NDRG3: variants seen among roughly 807,000 people sequenced by gnomAD.
NDRG3 encodes the protein NDRG family member 3, also known as protein NDRG3.
NDRG3 carries 23 observed loss-of-function variants against 57.2 expected under a neutral mutation model. That is an observed-to-expected ratio of 0.40 (90% confidence interval 0.29 to 0.57). The LOEUF (loss-of-function observed/expected upper bound fraction) is 0.57. Among genes scored for constraint, NDRG3 ranks in the 20% least tolerant of loss-of-function variants. The pLI, the probability that NDRG3 is intolerant of heterozygous loss-of-function variation, is 0.42. For synonymous variants in NDRG3, 132 were observed against 162.6 expected, an observed-to-expected ratio of 0.81 and a Z score of 1.43; for missense variants, 384 against 457.3, an observed-to-expected ratio of 0.84 and a Z score of 1.46.
intron 1 of NDRG3, among the ~76,000 whole-genome samples, chr20:36,731,622 A>G (rs1170328381): frequency 6.6e-6 from 1 of 151,752 alleles, no homozygotes; most frequent in African/African-American, 2.4e-5. Context: ...CCTGGCTAAC[A>G]TGGTGAAACC....
chr20:36,726,930 T>C (rs1984972057), intron 1 of NDRG3, among the ~76,000 whole-genome samples: 1 of 151,164 alleles, frequency 6.6e-6, no homozygotes, highest in African/African-American at 2.4e-5. Flanking sequence ...TTTTTTTTTT[T>C]CCTGAGACAA....
chr20:36,656,014 G>A (rs942683114), intron 15 of NDRG3, among the ~76,000 whole-genome samples: 35 of 151,406 alleles, frequency 2.3e-4, no homozygotes, highest in African/African-American at 8.3e-4. Context: ...CATGCCTGTA[G>A]TCCCAGCTAC....
chr20:36,692,013 T>C (rs1982303395), intron 3 of NDRG3, among the ~76,000 whole-genome samples: 1 of 152,126 alleles, frequency 6.6e-6, no homozygotes, highest in South Asian at 2.1e-4. Context: ...TAATAGCTTG[T>C]GATAGGTGCT....
intron 3 of NDRG3, among the ~76,000 whole-genome samples, chr20:36,698,811 G>A (rs1014276331): frequency 6.6e-6 from 1 of 151,732 alleles, no homozygotes; most frequent in African/African-American, 2.4e-5. Context: ...AATACACACA[G>A]AAAATCTTCA....
chr20:36,654,976 G>A (rs1471126517), intron 15 of NDRG3: 11 of 686,412 alleles, frequency 1.6e-5, no homozygotes, highest in Admixed American at 6.4e-5. Context: ...CAGAGAGGAG[G>A]TGAGGCTGAC....
At chr20:36,711,703 T>C (rs1026361048) in intron 2 of NDRG3, among the ~76,000 whole-genome samples, 27 of 152,224 alleles carry the variant, frequency 1.8e-4, no homozygotes, top group Admixed American at 1.8e-3. Context: ...CAACTCTGTG[T>C]TCTCAATCCC....
intron 1 of NDRG3, among the ~76,000 whole-genome samples, chr20:36,743,672 G>T (rs1467712392): frequency 1.3e-5 from 2 of 150,618 alleles, no homozygotes; most frequent in Non-Finnish European, 3.0e-5. Context: ...AAAAAAATTA[G>T]CTGGGGGTGG....
intron 8 of NDRG3, among the ~76,000 whole-genome samples, chr20:36,677,483 C>A (rs1387883477): frequency 6.6e-6 from 1 of 152,212 alleles, no homozygotes; most frequent in African/African-American, 2.4e-5. Flanking sequence ...GCCTTGGGCT[C>A]AGCCAGCGCA....
chr20:36,711,265 C>T (rs1196212618), intron 2 of NDRG3, among the ~76,000 whole-genome samples: 1 of 149,960 alleles, frequency 6.7e-6, no homozygotes, highest in South Asian at 2.1e-4. Context: ...GGCGACAGTG[C>T]GAGACTCCGT....
At chr20:36,665,346 T>C (rs766310353) in intron 10 of NDRG3, 45 bp from the exon 11 acceptor site, 4 of 1,565,972 alleles carry the variant, frequency 2.6e-6, no homozygotes, top group South Asian at 1.1e-5. Flanking sequence ...GGTAAAGTCA[T>C]AGCAACTCAG....
At chr20:36,671,622 G>GA (rs530904413) in intron 8 of NDRG3, among the ~76,000 whole-genome samples, 2 of 152,130 alleles carry the variant, frequency 1.3e-5, no homozygotes, top group Non-Finnish European at 2.9e-5. Flanking sequence ...CTAACACGGT[G>GA]AAACCCTGTC....
chr20:36,692,207 T>C (rs1008162739), intron 3 of NDRG3, among the ~76,000 whole-genome samples: 1 of 152,110 alleles, frequency 6.6e-6, no homozygotes, highest in Non-Finnish European at 1.5e-5. Context: ...AGAACCAACA[T>C]ATACTGTTTT....
rs145789414 is a variant in NDRG3 at position 36,688,661 on chromosome 20, G to A, written c.199+18C>T. ...ATCAAGTATGATAAGAAGGGAAGGTGTAAAATAAAATACATACGGTTGAGG... is the reference window on the plus strand; with the variant it reads ...ATCAAGTATGATAAGAAGGGAAGGTATAAAATAAAATACATACGGTTGAGG... On this transcript the variant is annotated intron_variant, in intron 4 of 15. Coordinates refer to ENST00000349004, the MANE Select transcript of NDRG3 (RefSeq NM_032013.4). 4.5e-6 allele frequency: 7 copies of A among 1,540,000 alleles called. No homozygotes were observed. Among genetic ancestry groups the A allele is most frequent in the South Asian group, 2.2e-5 (2 of 89,630 alleles).
At chr20:36,705,118 G>C (rs529049995) in intron 3 of NDRG3, among the ~76,000 whole-genome samples, 57 of 151,674 alleles carry the variant, frequency 3.8e-4, no homozygotes, top group African/African-American at 1.3e-3. Flanking sequence ...TCAGGGGTTC[G>C]AGACCATCCT....
At chr20:36,712,483 C>A (rs1343272461) in intron 2 of NDRG3, among the ~76,000 whole-genome samples, 4 of 135,032 alleles carry the variant, frequency 3.0e-5, no homozygotes, top group Admixed American at 7.8e-5. Flanking sequence ...GCAGCATTGA[C>A]CTCCCAGGCT....
chr20:36,677,242 C>A (rs1374778345), intron 8 of NDRG3, among the ~76,000 whole-genome samples: 1 of 152,200 alleles, frequency 6.6e-6, no homozygotes, highest in Non-Finnish European at 1.5e-5. Context: ...CCAGGAAGGG[C>A]CCCTCCAAGC....
At chr20:36,680,971 T>C (rs973516531) in intron 7 of NDRG3, 69 bp from the exon 8 acceptor site, 7 of 1,310,458 alleles carry the variant, frequency 5.3e-6, no homozygotes, top group Non-Finnish European at 7.7e-6. Context: ...AGTTGGAACA[T>C]GGTTGATCAA....
At chr20:36,674,886 ATTTTTTTTTTTT>A (rs34146274) in intron 8 of NDRG3, among the ~76,000 whole-genome samples, 4 of 39,694 alleles carry the variant, frequency 1.0e-4, no homozygotes, top group South Asian at 1.5e-3. Flanking sequence ...GCCCAGCCAG[ATTTTTTTTTTTT>A]TTTTTTTTTT....
At chr20:36,688,810 A>T in intron 3 of NDRG3, 26 bp from the exon 4 acceptor site, 1 of 1,565,734 alleles carries the variant, frequency 6.4e-7, no homozygotes, top group Non-Finnish European at 8.8e-7. Context: ...GTAAGTTCTC[A>T]GAAAAAGCAG....
Sources: allele counts gnomAD v4.1 joint callset (sites outside exome capture counted in the v4.1 genomes callset), GRCh38; gene constraint gnomAD v4.1.1; transcripts MANE v1.5; gene names NCBI Gene and HGNC (gene_info 2026-07-23, HGNC 2026-07-21).